GLB1L: variants seen among roughly 807,000 people sequenced by gnomAD.
GLB1L encodes the protein galactosidase beta 1 like.
Under a neutral mutation model 75.7 loss-of-function variants are expected in GLB1L, and 58 were observed. The observed-to-expected ratio is 0.77, with a 90% CI of 0.62 to 0.95. The LOEUF is 0.95. Among genes scored for constraint, GLB1L ranks in the 40% least tolerant of loss-of-function variants. GLB1L has a pLI of 0.00. For missense variants in GLB1L, 797 were observed against 805.5 expected, an observed-to-expected ratio of 0.99 and a Z score of 0.13; for synonymous variants, 296 against 303.0, an observed-to-expected ratio of 0.98 and a Z score of 0.24.
Position 219,236,739 on chromosome 2 carries a change from A to G in GLB1L, c.*333T>C. 1 of 390,386 alleles carries G rather than the reference A, an allele frequency of 2.6e-6. No individual in the cohort carries two copies. The highest frequency in any genetic ancestry group is 4.5e-6 in the Non-Finnish European group (1 of 220,844). 24.2% of individuals were successfully genotyped at this position (390,386 alleles called of 1,614,324 possible). A position where few individuals can be genotyped will look rare whatever the true frequency, so the allele number is the denominator to read the frequency against. On this transcript the variant is annotated 3_prime_UTR_variant, in exon 17 of 17. Coordinates refer to ENST00000295759, the MANE Select transcript of GLB1L (RefSeq NM_001286423.2). ...AGCACCAAGGGATCCTGCCCACTCC[A>G]TGTCCCAGGTCCAAGGGTTACTTTT...
At chr2:219,241,809 A>G (rs748632448) in intron 5 of GLB1L, among the ~76,000 whole-genome samples, 5 of 152,090 alleles carry the variant, frequency 3.3e-5, no homozygotes, top group Non-Finnish European at 7.4e-5. Flanking sequence ...TTATACTTGA[A>G]CAGGATCACA....
intron 3 of GLB1L, 45 bp from the exon 4 acceptor site, chr2:219,242,963 A>T (rs566394504): frequency 6.2e-7 from 1 of 1,611,338 alleles, no homozygotes; most frequent in East Asian, 2.2e-5. Flanking sequence ...AAGAGACGCC[A>T]GGGAGGCCTA....
Position 219,238,593 on chromosome 2 carries a change from A to G in GLB1L, c.1138-9T>C, listed in dbSNP as rs141653050. ...GCCAGTAAATGCCCAACCTATTAGA[A>G]TAAGGGAGAAGAATTAGAATATCAG... On this transcript the variant is annotated splice_polypyrimidine_tract_variant and intron_variant, in intron 12 of 16. Transcript: ENST00000295759. 4.5e-5 allele frequency: 73 copies of G among 1,611,210 alleles called. No homozygotes were observed. The highest frequency in any genetic ancestry group is 5.8e-5 in the Non-Finnish European group (68 of 1,177,576).
chr2:219,239,538 T>C (rs1951334309), intron 9 of GLB1L, 23 bp downstream of exon 9: 1 of 1,614,198 alleles, frequency 6.2e-7, no homozygotes, highest in African/African-American at 1.3e-5. Flanking sequence ...CAGATTCATA[T>C]TGCCCCCAGT....
chr2:219,243,010 T>C (rs965143091), intron 3 of GLB1L, 92 bp from the exon 4 acceptor site: 15 of 1,575,438 alleles, frequency 9.5e-6, no homozygotes, highest in African/African-American at 6.8e-5. Flanking sequence ...CAGGAAGCGG[T>C]TGGAAGGAGG....
chr2:219,239,974 C>T lies in GLB1L; in HGVS notation c.667G>A (p.Gly223Arg), dbSNP rs754897647. The T allele has an allele frequency of 2.5e-6, 4 of 1,614,110 alleles. No homozygotes were observed. In the East Asian group the frequency reaches 6.7e-5, roughly 27 times the overall value. ...CCCCGGAGGGAGCCACACTTGAGTCCTTCAGGCCCATCTGTGGTGAAGAGC... is the reference window on the plus strand; with the variant it reads ...CCCCGGAGGGAGCCACACTTGAGTCTTTCAGGCCCATCTGTGGTGAAGAGC... The part of the protein sequence containing the change: ...ILLFTTDGPE[G>R]LKCGSLRGLY... Residue 223 changes from glycine (G) to arginine (R), a missense_variant, in exon 7 of 17, where the codon GGA (glycine) becomes AGA (arginine). Physicochemically the swap from Gly to Arg is moderately radical, Grantham distance 125. Transcript: ENST00000295759.
chr2:219,237,629 G>A lies in GLB1L; in HGVS notation c.1572C>T (p.Leu524=), dbSNP rs1951282586. The change falls in exon 16 of 17, where the codon CTC becomes CTT. Residue 524 remains leucine (L), a synonymous_variant. Transcript: ENST00000295759. The part of the protein sequence containing the change: ...IDNLVKWWFP[L]QLPKWPYPQA... ...GAGGATATGGCCATTTTGGCAACTG[G>A]AGGGGAAACCACCACTTCACAAGGT... 6.2e-7 allele frequency: 1 copy of A among 1,614,196 alleles called. No individual in the cohort carries two copies. Among genetic ancestry groups the A allele is most frequent in the Non-Finnish European group, 8.5e-7 (1 of 1,180,018 alleles).
intron 5 of GLB1L, 72 bp downstream of exon 5, chr2:219,242,442 C>T: frequency 9.2e-7 from 1 of 1,090,086 alleles, no homozygotes; most frequent in Non-Finnish European, 1.4e-6. Flanking sequence ...GGAATGGTCT[C>T]TTCTGCTTTT....
rs778984485 is a variant in GLB1L at position 219,237,881 on chromosome 2, A to G, written c.1418T>C (p.Ile473Thr). The stretch of plus-strand genomic sequence containing the variant: ...GAGCCTCCCCATGTTCTCCACCAAG[A>G]TATCCAGTTTGGACCCCAGTTTCCC... ...LTGKLGSKLD[I>T]LVENMGRLSF... Residue 473 changes from isoleucine to threonine, a missense_variant, in exon 15 of 17, where the codon ATC becomes ACC. Coordinates refer to ENST00000295759, the MANE Select transcript of GLB1L (RefSeq NM_001286423.2). 4 of 1,614,196 alleles carry G rather than the reference A, an allele frequency of 2.5e-6. No homozygotes were observed. In the Admixed American group the frequency reaches 6.7e-5, roughly 27 times the overall value.
chr2:219,237,977 TAGG>T lies in GLB1L; in HGVS notation c.1342-23_1342-21del. 1 of 1,613,620 alleles carries T rather than the reference TAGG, an allele frequency of 6.2e-7. No homozygotes were observed. Among genetic ancestry groups the T allele is most frequent in the Non-Finnish European group, 8.5e-7 (1 of 1,179,684 alleles). On this transcript the variant is annotated intron_variant, in intron 14 of 16. Transcript: ENST00000295759. ...GAACACCTGTGGATAGGAGATAGGA[TAGG>T]AGCAAGGCTCAGCATCTAGCTCTTA...
chr2:219,243,198 C>A lies in GLB1L; in HGVS notation c.189G>T (p.Trp63Cys). Residue 63 changes from tryptophan to cysteine, a missense_variant, in exon 3 of 17, where the codon TGG becomes TGT. Coordinates refer to ENST00000295759, the MANE Select transcript of GLB1L (RefSeq NM_001286423.2). ...ATCGCATCTTCAAAAGCCGGTCGGC[C>A]CAAAGCACCCGCGGTACCCGAAAGT... ...LHYFRVPRVL[W>C]ADRLLKMRWS... 2 of 1,614,034 alleles carry A rather than the reference C, an allele frequency of 1.2e-6. No individual in the cohort carries two copies. The highest frequency in any genetic ancestry group is 2.2e-5 in the East Asian group (1 of 44,882).
intron 5 of GLB1L, among the ~76,000 whole-genome samples, chr2:219,241,498 A>AAG (rs1485386273): frequency 6.7e-6 from 1 of 148,180 alleles, no homozygotes; most frequent in Non-Finnish European, 1.5e-5. Flanking sequence ...AGAGAGAGCG[A>AAG]GAGAGAGACC....
In GLB1L at chr2:219,237,247, C is replaced by T. The variant is rs773572669; in HGVS notation, c.1790G>A (p.Gly597Glu). 6.2e-7 allele frequency: 1 copy of T among 1,614,118 alleles called. No individual in the cohort carries two copies. Among genetic ancestry groups the T allele is most frequent in the East Asian group, 2.2e-5 (1 of 44,888 alleles). The change falls in exon 17 of 17, where the codon GGA becomes GAA. Residue 597 changes from glycine to glutamate, a missense_variant. Physicochemically the swap from Gly to Glu is moderately conservative, Grantham distance 98. Transcript: ENST00000295759. Reference sequence around the variant, plus strand: ...CAGCAATGTAATTTTGTTGAGGGCTCCCCTAGGAAACAGCAGGAATCTTGG... The same window carrying T: ...CAGCAATGTAATTTTGTTGAGGGCTTCCCTAGGAAACAGCAGGAATCTTGG... ...YVPRFLLFPR[G>E]ALNKITLLEL...
Position 219,243,244 on chromosome 2 carries a change from T to G in GLB1L, c.143A>C (p.Tyr48Ser), listed in dbSNP as rs563997081. Residue 48 changes from tyrosine (Y) to serine (S), a missense_variant, in exon 3 of 17, where the codon TAT (tyrosine) becomes TCT (serine). Transcript: ENST00000295759. ...RFLLDGAPFRYVSGSLHYFRV... is the reference protein window; with the variant it reads ...RFLLDGAPFRSVSGSLHYFRV... The stretch of plus-strand genomic sequence containing the variant: ...AAAGTAGTGCAGGCTGCCAGACACA[T>G]AGCGGAACGGGGCCCCGTCTAGGAG... 1.2e-6 allele frequency: 2 copies of G among 1,613,896 alleles called. No homozygotes were observed. The highest frequency in any genetic ancestry group is 1.7e-6 in the Non-Finnish European group (2 of 1,179,948).
Position 219,239,824 on chromosome 2 carries a change from A to G in GLB1L, c.731T>C (p.Met244Thr), listed in dbSNP as rs1951342813. The G allele has an allele frequency of 1.2e-6, 2 of 1,614,206 alleles. No homozygotes were observed. The highest frequency in any genetic ancestry group is 1.7e-6 in the Non-Finnish European group (2 of 1,180,030). Residue 244 changes from methionine to threonine, a missense_variant, in exon 8 of 17, where the codon ATG becomes ACG. Transcript: ENST00000295759. ...CCGAAGCAGGGTAAAGATTTTGGTC[A>G]TGTTGTCAGCTGCGGAAAGGAGGCA... ...TTVDFGPADN[M>T]TKIFTLLRKY...
chr2:219,238,440 C>T (rs148480043), intron 13 of GLB1L, 55 bp downstream of exon 13: 22,531 of 1,566,632 alleles, frequency 0.014, 195 homozygotes, highest in Non-Finnish European at 0.018. Context: ...GGAACTTTTG[C>T]GTATAGCTGT....
rs530556826 is a variant in GLB1L at position 219,242,840 on chromosome 2, C to G, written c.318G>C (p.Leu106=). ...FNGSRDLIAF[L]NEAALANLLV... ...ACAGGTTCGCTAGAGCTGCCTCATT[C>G]AGAAAGGCAATGAGGTCCCGGCTGC... Residue 106 remains leucine (L), a synonymous_variant, in exon 4 of 17, where the codon CTG becomes CTC. Transcript: ENST00000295759. 2 of 1,614,134 alleles carry G rather than the reference C, an allele frequency of 1.2e-6. No individual in the cohort carries two copies. The highest frequency in any genetic ancestry group is 4.5e-5 in the East Asian group (2 of 44,882).
Position 219,242,809 on chromosome 2 carries a change from T to C in GLB1L, c.349A>G (p.Ile117Val), listed in dbSNP as rs182434769. The change falls in exon 4 of 17, where the codon ATA becomes GTA. Residue 117 changes from isoleucine (I) to valine (V), a missense_variant. Ile to Val is a conservative substitution (Grantham distance 29). Transcript: ENST00000295759. ...CAGATGTAAGGTCCTGGTCTCAGTA[T>C]GACCAACAGGTTCGCTAGAGCTGCC... ...NEAALANLLV[I>V]LRPGPYICAE... 2.4e-4 allele frequency: 389 copies of C among 1,614,214 alleles called. 2 individuals are homozygous for C. In the East Asian group the frequency reaches 5.3e-3, roughly 22 times the overall value.
In GLB1L at chr2:219,243,193, T is replaced by G; in HGVS notation, c.194A>C (p.Asp65Ala). The change falls in exon 3 of 17, where the codon GAC becomes GCC. Residue 65 changes from aspartate to alanine, a missense_variant. Asp to Ala is a moderately radical substitution (Grantham distance 126). Coordinates refer to ENST00000295759, the MANE Select transcript of GLB1L (RefSeq NM_001286423.2). ...YFRVPRVLWA[D>A]RLLKMRWSGL... ...GCTCCATCGCATCTTCAAAAGCCGG[T>G]CGGCCCAAAGCACCCGCGGTACCCG... 6.2e-7 allele frequency: 1 copy of G among 1,613,728 alleles called. No homozygotes were observed. Among genetic ancestry groups the G allele is most frequent in the South Asian group, 1.1e-5 (1 of 91,042 alleles).
Sources: allele counts gnomAD v4.1 joint callset (sites outside exome capture counted in the v4.1 genomes callset), GRCh38; gene constraint gnomAD v4.1.1; transcripts MANE v1.5; gene names NCBI Gene and HGNC (gene_info 2026-07-23, HGNC 2026-07-21).